RBMS1: variants seen among roughly 807,000 people sequenced by gnomAD.
RBMS1 encodes the protein RNA-binding motif, single-stranded-interacting protein 1.
In RBMS1, 17 loss-of-function variants were observed where a neutral mutation model predicts 62.3. The ratio of observed to expected loss-of-function variants is 0.27; its 90% CI spans 0.19 to 0.41. The LOEUF is 0.41. Ranked by LOEUF, RBMS1 falls within the 10% of genes least tolerant of loss-of-function variation. RBMS1 has a pLI of 1.00. For missense variants in RBMS1, 334 were observed against 504.5 expected (o/e 0.66, Z 3.24); for synonymous variants, 172 against 170.0 (o/e 1.01, Z -0.09).
intron 2 of RBMS1, among the ~76,000 whole-genome samples, chr2:160,321,219 C>G (rs995696689): frequency 6.6e-6 from 1 of 152,154 alleles, no homozygotes; most frequent in African/African-American, 2.4e-5. Context: ...CCTCTCTCAG[C>G]TTGTTTGCTA....
intron 1 of RBMS1, among the ~76,000 whole-genome samples, chr2:160,470,481 C>T (rs1684870561): frequency 6.6e-6 from 1 of 152,122 alleles, no homozygotes; most frequent in East Asian, 1.9e-4. Flanking sequence ...TACCTGTAAT[C>T]ACTATCATTA....
chr2:160,454,815 A>G (rs1156857636), intron 1 of RBMS1, among the ~76,000 whole-genome samples: 1 of 152,218 alleles, frequency 6.6e-6, no homozygotes, highest in Non-Finnish European at 1.5e-5. Context: ...TGTTTTTCAA[A>G]TATCACCATG....
At chr2:160,372,850 G>A (rs190101421) in intron 1 of RBMS1, among the ~76,000 whole-genome samples, 1 of 152,250 alleles carries the variant, frequency 6.6e-6, no homozygotes, top group Non-Finnish European at 1.5e-5. Flanking sequence ...CTATGGATAG[G>A]TCAGAGAAGG....
At chr2:160,378,639 T>C (rs1432081298) in intron 1 of RBMS1, among the ~76,000 whole-genome samples, 1 of 151,346 alleles carries the variant, frequency 6.6e-6, no homozygotes, top group Admixed American at 6.6e-5. Context: ...AAAAGCACTT[T>C]GATGCTTTTC....
At chr2:160,472,247 T>C (rs1395792697) in intron 1 of RBMS1, among the ~76,000 whole-genome samples, 1 of 152,184 alleles carries the variant, frequency 6.6e-6, no homozygotes, top group Non-Finnish European at 1.5e-5. Context: ...AAGCCAAACA[T>C]TTCTGGGAAA....
intron 2 of RBMS1, among the ~76,000 whole-genome samples, chr2:160,324,797 G>C (rs1266080377): frequency 6.7e-6 from 1 of 149,520 alleles, no homozygotes; most frequent in Admixed American, 6.7e-5. Context: ...GTTAATTCAG[G>C]GGAATAATAA....
chr2:160,281,818 A>G (rs1688119566), intron 9 of RBMS1: 1 of 172,764 alleles, frequency 5.8e-6, no homozygotes. Context: ...TATTTAATAC[A>G]AAAAACCAAA....
chr2:160,460,755 C>T (rs1052746794), intron 1 of RBMS1, among the ~76,000 whole-genome samples: 15 of 152,182 alleles, frequency 9.9e-5, no homozygotes, highest in African/African-American at 3.4e-4. Context: ...TCTGGTTTCA[C>T]TAATATAACC....
intron 6 of RBMS1, among the ~76,000 whole-genome samples, chr2:160,297,245 C>T (rs1688985119): frequency 1.3e-5 from 2 of 152,036 alleles, no homozygotes; most frequent in Admixed American, 6.5e-5. Context: ...TTCTTTTTCC[C>T]CATTTTAACA....
chr2:160,292,436 GGA>G (rs1200366271), intron 6 of RBMS1, among the ~76,000 whole-genome samples: 4 of 152,196 alleles, frequency 2.6e-5, no homozygotes, highest in African/African-American at 9.7e-5. Context: ...AAAATTCTCA[GGA>G]GAGGGACACT....
rs754983205 is a variant in RBMS1 at position 160,383,282 on chromosome 2, C to T, written c.76-15891G>A. Among the ~76,000 whole-genome samples the T allele has an allele frequency of 6.6e-5, 10 of 152,222 alleles. 1 individual carries two copies. In the South Asian group the frequency reaches 1.2e-3, roughly 19 times the overall value. ...GTGACGGCAGAATACCAATATCAAC[C>T]TCCATCTTCACGTGGCCTTCTCTCT... On this transcript the variant is annotated intron_variant, in intron 1 of 13. Transcript: ENST00000348849.
intron 1 of RBMS1, among the ~76,000 whole-genome samples, chr2:160,393,107 G>T (rs1314536050): frequency 6.6e-6 from 1 of 151,926 alleles, no homozygotes; most frequent in Admixed American, 6.5e-5. Flanking sequence ...CAGTTTCATA[G>T]AGTCAGTTAA....
chr2:160,323,748 C>T (rs766008636), intron 2 of RBMS1, among the ~76,000 whole-genome samples: 6 of 151,988 alleles, frequency 3.9e-5, no homozygotes, highest in Non-Finnish European at 8.8e-5. Flanking sequence ...CACTCCAGAG[C>T]AAGCTCTGAC....
intron 2 of RBMS1, among the ~76,000 whole-genome samples, chr2:160,327,895 T>C (rs938139981): frequency 1.3e-5 from 2 of 152,216 alleles, no homozygotes; most frequent in Non-Finnish European, 2.9e-5. Flanking sequence ...TATTTCTGAA[T>C]TGAATTTATG....
intron 7 of RBMS1, 59 bp from the exon 8 acceptor site, chr2:160,285,103 T>C: frequency 6.5e-7 from 1 of 1,533,710 alleles, no homozygotes; most frequent in Non-Finnish European, 9.0e-7. Context: ...TTAAAAATTC[T>C]ATTTTTAGCC....
intron 2 of RBMS1, among the ~76,000 whole-genome samples, chr2:160,343,215 T>C (rs958145167): frequency 6.6e-6 from 1 of 152,206 alleles, no homozygotes; most frequent in Admixed American, 6.5e-5. Context: ...GCAAACAGAA[T>C]CAGACTTCTA....
intron 1 of RBMS1, among the ~76,000 whole-genome samples, chr2:160,426,294 G>A (rs868831027): frequency 0.014 from 888 of 65,238 alleles, 3 homozygotes; most frequent in South Asian, 0.02. Context: ...AGAAAGAAAA[G>A]AAAGAAGGAA....
intron 1 of RBMS1, among the ~76,000 whole-genome samples, chr2:160,459,822 T>G (rs1241613229): frequency 6.6e-6 from 1 of 152,186 alleles, no homozygotes; most frequent in Admixed American, 6.5e-5. Context: ...GCACCTATCT[T>G]CTTTCTAAGA....
chr2:160,338,356 T>C (rs1193630957), intron 2 of RBMS1, among the ~76,000 whole-genome samples: 1 of 152,180 alleles, frequency 6.6e-6, no homozygotes, highest in Non-Finnish European at 1.5e-5. Context: ...CCCAATGATA[T>C]AACTGAGAAA....
Sources: gnomAD v4.1 joint callset for allele counts (sites outside exome capture counted in the v4.1 genomes callset) on GRCh38, gnomAD v4.1.1 for gene constraint, MANE v1.5 for transcripts, NCBI Gene and HGNC (gene_info 2026-07-23, HGNC 2026-07-21) for gene names.